NOL9: variants seen among roughly 807,000 people sequenced by gnomAD.
NOL9 encodes polynucleotide 5'-hydroxyl-kinase NOL9.
Under a neutral mutation model 67.9 loss-of-function variants are expected in NOL9, and 28 were observed. The observed-to-expected ratio is 0.41, with a 90% CI of 0.31 to 0.57. The LOEUF (loss-of-function observed/expected upper bound fraction) is 0.57, where lower values mean the gene tolerates loss of function less well. NOL9 is among the 20% of genes least tolerant of loss of function. The pLI is 0.25. For missense variants in NOL9, 777 were observed against 897.0 expected, an observed-to-expected ratio of 0.87 and a Z score of 1.71; for synonymous variants, 356 against 352.2, an observed-to-expected ratio of 1.01 and a Z score of -0.12.
Position 6,542,031 on chromosome 1 carries a change from T to C in NOL9, c.978-104A>G, listed in dbSNP as rs539803404. ...GATTTCATGTGACACGCAGGCATAA[T>C]CCACCACACACAGCACTTTAGAAGT... On this transcript the variant is annotated intron_variant, in intron 5 of 11. Transcript: ENST00000377705. 106 of 620,618 alleles carry C rather than the reference T, an allele frequency of 1.7e-4. No individual in the cohort carries two copies. In the African/African-American group the frequency reaches 1.9e-3, roughly 11 times the overall value. The allele number at this position is 620,618 out of a possible 1,614,324, so 38.4% of individuals were successfully genotyped here.
chr1:6,533,328 A>T lies in NOL9; in HGVS notation c.1189T>A (p.Tyr397Asn), dbSNP rs1362902436. The change falls in exon 7 of 12, where the codon TAC (tyrosine) becomes AAC (asparagine). Residue 397 changes from tyrosine to asparagine, a missense_variant. By Grantham distance (143) the Tyr-to-Asn change is moderately radical. This residue lies in a region of NOL9 where 413 missense variants were observed against 552.6 expected (regional missense o/e 0.75). Coordinates refer to ENST00000377705, the MANE Select transcript of NOL9 (RefSeq NM_024654.5). Reference protein sequence around the residue: ...IDIVKYVFSAYKRESPLIVNT... With the variant: ...IDIVKYVFSANKRESPLIVNT... ...ACGATGAGAGGGGACTCTCTCTTGT[A>T]AGCGCTGAACACATATTTCACTATG... The T allele has an allele frequency of 6.2e-7, 1 of 1,612,568 alleles. No individual in the cohort carries two copies. The highest frequency in any genetic ancestry group is 2.2e-5 in the East Asian group (1 of 44,814).
rs572387033 is a variant in NOL9, at chr1:6,525,470, C to T, written c.*384G>A. The stretch of plus-strand genomic sequence containing the variant: ...CCCTTGTATCCATTATGCTTGAGAT[C>T]CTGCAGGTCGGCCTTCTTCCTTCCT... On this transcript the variant is annotated 3_prime_UTR_variant, in exon 12 of 12. Transcript: ENST00000377705. 5.4e-5 allele frequency: 12 copies of T among 222,514 alleles called. No homozygotes were observed. The highest frequency in any genetic ancestry group is 2.2e-4 in the South Asian group (3 of 13,950). The allele number at this position is 222,514 out of a possible 1,614,324, so 13.8% of individuals were successfully genotyped here. A position where few individuals can be genotyped will look rare whatever the true frequency, so the allele number is the denominator to read the frequency against.
chr1:6,528,490 C>T (rs2148649458), intron 10 of NOL9, among the ~76,000 whole-genome samples: 2 of 152,282 alleles, frequency 1.3e-5, no homozygotes, highest in South Asian at 4.1e-4. Flanking sequence ...AAGGAGGGGC[C>T]AGGGTCTGAC....
At chr1:6,552,259 C>T (rs1639558626) in intron 1 of NOL9, among the ~76,000 whole-genome samples, 1 of 152,098 alleles carries the variant, frequency 6.6e-6, no homozygotes, top group Non-Finnish European at 1.5e-5. Flanking sequence ...TAAATCTGCA[C>T]ACCCTGCGTA....
At chr1:6,544,540 C>T (rs1314875564) in intron 5 of NOL9, among the ~76,000 whole-genome samples, 1 of 9,460 alleles carries the variant, frequency 1.1e-4, no homozygotes, top group East Asian at 5.1e-3. Context: ...CACGCACACA[C>T]GCACCCCCCC....
intron 1 of NOL9, among the ~76,000 whole-genome samples, chr1:6,551,675 C>T (rs1451105506): frequency 6.6e-6 from 1 of 151,712 alleles, no homozygotes; most frequent in African/African-American, 2.4e-5. Flanking sequence ...GAGATCATGT[C>T]CTTTGCAGGG....
chr1:6,532,817 G>A, intron 7 of NOL9, 57 bp from the exon 8 acceptor site: 1 of 1,455,828 alleles, frequency 6.9e-7, no homozygotes, highest in Non-Finnish European at 9.3e-7. Context: ...ACGCGCTCAA[G>A]AACAGTGACA....
At chr1:6,544,293 A>AT (rs1441923954) in intron 5 of NOL9, among the ~76,000 whole-genome samples, 3 of 151,942 alleles carry the variant, frequency 2.0e-5, no homozygotes, top group Non-Finnish European at 4.4e-5. Flanking sequence ...AAAAAAAAAA[A>AT]AATTAAGCGA....
At chr1:6,535,242 T>C (rs1639122631) in intron 6 of NOL9, among the ~76,000 whole-genome samples, 1 of 152,134 alleles carries the variant, frequency 6.6e-6, no homozygotes, top group Non-Finnish European at 1.5e-5. Flanking sequence ...CTAGAAACAA[T>C]AACACACCAG....
At chr1:6,553,438 G>A (rs1050622562) in intron 1 of NOL9, among the ~76,000 whole-genome samples, 2 of 152,060 alleles carry the variant, frequency 1.3e-5, no homozygotes, top group Non-Finnish European at 1.5e-5. Context: ...CTCCGTAAGA[G>A]AGCTGGATGT....
intron 9 of NOL9, among the ~76,000 whole-genome samples, chr1:6,530,163 A>T (rs1557783114): frequency 6.6e-6 from 1 of 152,076 alleles, no homozygotes; most frequent in Non-Finnish European, 1.5e-5. Context: ...AATTTAAAAA[A>T]TAAATGTGGG....
In NOL9 at chr1:6,530,809, C is replaced by G. The variant is rs376857812; in HGVS notation, c.1647+1159G>C. ...GAAGTCACTGAGCCCCTCCATGCTT[C>G]GCAGAGTGCCTGGCACAGAGCAAGC... On this transcript the variant is annotated intron_variant, in intron 9 of 11. Coordinates refer to ENST00000377705, the MANE Select transcript of NOL9 (RefSeq NM_024654.5). 1.1e-4 allele frequency among the ~76,000 whole-genome samples: 16 copies of G among 152,380 alleles called. No homozygotes were observed. In the South Asian group the frequency reaches 1.2e-3, roughly 12 times the overall value.
intron 10 of NOL9, 60 bp downstream of exon 10, chr1:6,528,934 C>T (rs1638954633): frequency 6.6e-7 from 1 of 1,523,346 alleles, no homozygotes; most frequent in South Asian, 1.2e-5. Context: ...CAGTCATCTA[C>T]AGTTGAAGCA....
At position 6,554,498 on chromosome 1, in the gene NOL9, G is replaced by T. The variant is rs200300475; in HGVS notation, c.5C>A (p.Ala2Glu). The T allele has an allele frequency of 1.3e-6, 2 of 1,536,364 alleles. No homozygotes were observed. Among genetic ancestry groups the T allele is most frequent in the South Asian group, 2.4e-5 (2 of 84,302 alleles). The change falls in exon 1 of 12, where the codon GCG becomes GAG. Residue 2 changes from alanine to glutamate, a missense_variant. Transcript: ENST00000377705. ...CCGCTTTAGCAGCAGTCCCGAGTCC[G>T]CCATGCTGGGTCCTCAGGGCCTACC... The part of the protein sequence containing the change: M[A>E]DSGLLLKRGS...
chr1:6,531,996 G>A lies in NOL9; in HGVS notation c.1619C>T (p.Ser540Phe). 1.2e-6 allele frequency: 2 copies of A among 1,614,140 alleles called. No individual in the cohort carries two copies. The highest frequency in any genetic ancestry group is 1.7e-6 in the Non-Finnish European group (2 of 1,179,954). Residue 540 changes from serine (S) to phenylalanine (F), a missense_variant, in exon 9 of 12, where the codon TCT becomes TTT. By Grantham distance (155) the Ser-to-Phe change is radical (BLOSUM62 -2). Coordinates refer to ENST00000377705, the MANE Select transcript of NOL9 (RefSeq NM_024654.5). Reference sequence around the variant, plus strand: ...ATAGGGTGTCAGGCTATGTAAAGGAGAAAGTGGTTTGGGCATCGGGGGCTG... The same window carrying A: ...ATAGGGTGTCAGGCTATGTAAAGGAAAAAGTGGTTTGGGCATCGGGGGCTG... ...QLQPPMPKPL[S>F]PLHSLTPYQV...
intron 1 of NOL9, 87 bp downstream of exon 1, chr1:6,554,020 C>T (rs1346305247): frequency 1.8e-6 from 2 of 1,131,026 alleles, no homozygotes. Flanking sequence ...CGGGGGACCA[C>T]GGTCCTCTCC....
intron 10 of NOL9, among the ~76,000 whole-genome samples, chr1:6,527,517 C>G (rs905092001): frequency 6.7e-6 from 1 of 150,080 alleles, no homozygotes; most frequent in Non-Finnish European, 1.5e-5. Flanking sequence ...CATGGTGGCG[C>G]GCACCTGTAA....
intron 3 of NOL9, chr1:6,548,633 C>T (rs1639472677): frequency 8.8e-6 from 3 of 341,638 alleles, no homozygotes; most frequent in South Asian, 2.6e-5. Context: ...AAAAATGAAG[C>T]CTTTTTGACT....
At position 6,554,369 on chromosome 1, in the gene NOL9, C is replaced by T. The variant is rs1274522409; in HGVS notation, c.134G>A (p.Arg45Gln). ...RRLGSLRWCG[R>Q]RRLRWRLLQA... is the part of the protein sequence containing the mutation. ...CAGTAACCGCCACCGTAGGCGCCGC[C>T]GACCGCACCAGCGCAGGCTCCCGAG... is the stretch of plus-strand genomic sequence containing the variant. The change falls in exon 1 of 12, where the codon CGG becomes CAG. Residue 45 changes from arginine to glutamine, a missense_variant. Coordinates refer to ENST00000377705, the MANE Select transcript of NOL9 (RefSeq NM_024654.5). 23 of 1,463,566 alleles carry T rather than the reference C, an allele frequency of 1.6e-5. No individual in the cohort carries two copies. Among genetic ancestry groups the T allele is most frequent in the Middle Eastern group, 2.4e-4 (1 of 4,100 alleles). 90.7% of individuals were successfully genotyped at this position (1,463,566 alleles called of 1,614,324 possible).
Sources: gnomAD v4.1 joint callset for allele counts (sites outside exome capture counted in the v4.1 genomes callset) on GRCh38, gnomAD v4.1.1 for gene constraint, gnomAD v4.1.1 regional missense constraint, MANE v1.5 for transcripts, NCBI Gene and HGNC (gene_info 2026-07-23, HGNC 2026-07-21) for gene names.